Variants in PCDHGA11 observed in about 807,000 individuals in gnomAD.
The protein encoded by PCDHGA11 is protocadherin gamma-A11.
A neutral mutation model predicts 60.4 loss-of-function variants in PCDHGA11; 39 were observed. That is an observed-to-expected ratio of 0.65 (90% CI 0.50 to 0.84). PCDHGA11 has a LOEUF of 0.84. PCDHGA11 is among the 40% of genes least tolerant of loss of function. The pLI is 0.00. For missense variants in PCDHGA11, 1,165 were observed against 1,197.7 expected, an observed-to-expected ratio of 0.97 and a Z score of 0.40; for synonymous variants, 533 against 510.3, an observed-to-expected ratio of 1.04 and a Z score of -0.60.
chr5:141,486,011 T>C lies in PCDHGA11; in HGVS notation c.2434-8796T>C. The C allele has an allele frequency of 6.2e-7, 1 of 1,614,188 alleles. No individual in the cohort carries two copies. Among genetic ancestry groups the C allele is most frequent in the Non-Finnish European group, 8.5e-7 (1 of 1,180,014 alleles). ...GGGTCCCAGTGGTAACGTCACCTTTTATTTCAGTGGTCATACCCCTGATCG... is the reference window on the plus strand; with the variant it reads ...GGGTCCCAGTGGTAACGTCACCTTTCATTTCAGTGGTCATACCCCTGATCG... On this transcript the variant is annotated intron_variant, in intron 1 of 3. Coordinates refer to ENST00000398587, the MANE Select transcript of PCDHGA11 (RefSeq NM_018914.3). This position sits in a 1 kb window ranked among gnomAD's most constrained non-coding sequence, Gnocchi z 5.0.
At chr5:141,478,452 C>T (rs763187393) in intron 1 of PCDHGA11, 1 of 1,613,598 alleles carries the variant, frequency 6.2e-7, no homozygotes, top group Admixed American at 1.7e-5. Context: ...CCTGGTGCAG[C>T]CAGTCCACTG....
At chr5:141,441,710 G>A (rs2098266791) in intron 1 of PCDHGA11, 1 of 322,162 alleles carries the variant, frequency 3.1e-6, no homozygotes, top group Non-Finnish European at 6.1e-6. Context: ...TCAAGCTCAC[G>A]CTGCAGGCCC....
rs748972821 is a variant in PCDHGA11 at position 141,476,094 on chromosome 5, GAGAGGAACT to G, written c.2434-18712_2434-18704del. ...TCTCAGGGACGATCTGGACCCCGCT[GAGAGGAACT>G]GCTTTTGAGTGAGATGGTCCCAGAG... is the stretch of plus-strand genomic sequence containing the variant. On this transcript the variant is annotated intron_variant, in intron 1 of 3. Coordinates refer to ENST00000398587, the MANE Select transcript of PCDHGA11 (RefSeq NM_018914.3). This position sits in a 1 kb window ranked among gnomAD's most constrained non-coding sequence, Gnocchi z 7.6. 6.4e-7 allele frequency: 1 copy of G among 1,568,172 alleles called. No individual in the cohort carries two copies. The highest frequency in any genetic ancestry group is 1.2e-5 in the South Asian group (1 of 85,292).
At chr5:141,492,710 G>A (rs11953270) in intron 1 of PCDHGA11, among the ~76,000 whole-genome samples, 27,341 of 152,278 alleles carry the variant, frequency 0.18, 2,647 homozygotes, top group Admixed American at 0.28. Flanking sequence ...GAAGCCTCGA[G>A]CAGGCGGACA....
rs751214480 is a variant in PCDHGA11, at chr5:141,485,161, G to A, written c.2434-9646G>A. ...CGTCTCAGGAGCAAGTAGAGAATTA[G>A]CGGGCGGCAGCAATGCTCCGCAAGG... On this transcript the variant is annotated intron_variant, in intron 1 of 3. Transcript: ENST00000398587. The surrounding 1 kb of genome is among the most constrained non-coding windows in gnomAD (Gnocchi z 5.7). The A allele has an allele frequency of 8.1e-6, 13 of 1,603,712 alleles. No individual in the cohort carries two copies. The Admixed American group carries it at 2.0e-4, about 25-fold the overall frequency.
At chr5:141,434,521 T>G (rs2097700467) in intron 1 of PCDHGA11, among the ~76,000 whole-genome samples, 1 of 152,202 alleles carries the variant, frequency 6.6e-6, no homozygotes, top group Non-Finnish European at 1.5e-5. Flanking sequence ...AAAGGTGTTC[T>G]TAAACCACAA....
chr5:141,505,625 C>T, intron 3 of PCDHGA11, 144 bp downstream of exon 3: 1 of 1,489,114 alleles, frequency 6.7e-7, no homozygotes, highest in Non-Finnish European at 9.0e-7. Context: ...CCCACAATTC[C>T]AAACATAAAG....
chr5:141,464,290 A>AC (rs1287070540), intron 1 of PCDHGA11, among the ~76,000 whole-genome samples: 1 of 149,916 alleles, frequency 6.7e-6, no homozygotes, highest in Non-Finnish European at 1.5e-5. Context: ...AAAAAAAAAA[A>AC]CTCCATTGTA....
chr5:141,472,200 C>A (rs2099274166), intron 1 of PCDHGA11, among the ~76,000 whole-genome samples: 1 of 152,110 alleles, frequency 6.6e-6, no homozygotes, highest in Non-Finnish European at 1.5e-5. Flanking sequence ...ATCTTTTTGA[C>A]ACTAAGACCT....
chr5:141,476,382 A>G lies in PCDHGA11; in HGVS notation c.2434-18425A>G, dbSNP rs777831089. ...CGGGAGACCGGAGAGATGTTTGTGA[A>G]CGACCGTCTGGATCGAGAGGAGCTG... On this transcript the variant is annotated intron_variant, in intron 1 of 3. Transcript: ENST00000398587. This position sits in a 1 kb window ranked among gnomAD's most constrained non-coding sequence, Gnocchi z 7.6. 3.7e-6 allele frequency: 6 copies of G among 1,613,866 alleles called. No individual in the cohort carries two copies. The East Asian group carries it at 1.3e-4, about 36-fold the overall frequency.
rs1338955892 is a variant in PCDHGA11, at chr5:141,502,521, T to C, written c.2493-2872T>C. 5.9e-5 allele frequency among the ~76,000 whole-genome samples: 9 copies of C among 152,338 alleles called. No homozygotes were observed. In the East Asian group the frequency reaches 1.7e-3, roughly 29 times the overall value. The stretch of plus-strand genomic sequence containing the variant: ...CGTCGGCCTGTCCCACTATCAGTGA[T>C]GCCGAGTTTGTTCGTGTGGTAAAAA... On this transcript the variant is annotated intron_variant, in intron 2 of 3. Transcript: ENST00000398587.
At chr5:141,505,554 C>T in intron 3 of PCDHGA11, 73 bp downstream of exon 3, 1 of 1,606,130 alleles carries the variant, frequency 6.2e-7, no homozygotes, top group Non-Finnish European at 8.5e-7. Context: ...AGCCACCATG[C>T]CCACGGACTG....
In PCDHGA11 at chr5:141,486,184, A is replaced by G. The variant is rs2099625756; in HGVS notation, c.2434-8623A>G. 8 of 1,614,014 alleles carry G rather than the reference A, an allele frequency of 5.0e-6. No homozygotes were observed. Among genetic ancestry groups the G allele is most frequent in the Non-Finnish European group, 6.8e-6 (8 of 1,180,026 alleles). On this transcript the variant is annotated intron_variant, in intron 1 of 3. Transcript: ENST00000398587. This position sits in a 1 kb window ranked among gnomAD's most constrained non-coding sequence, Gnocchi z 5.0. ...CCATGGAGCAACATTGCAGCCTTCG[A>G]GTGGATCTGCTGGACGTAAATGACA...
chr5:141,447,427 C>T (rs752438597), intron 1 of PCDHGA11, among the ~76,000 whole-genome samples: 2 of 152,174 alleles, frequency 1.3e-5, no homozygotes, highest in Non-Finnish European at 2.9e-5. Context: ...CGTGAGCCAC[C>T]GCACCCGGAG....
chr5:141,507,609 A>G (rs2099862010), intron 3 of PCDHGA11, among the ~76,000 whole-genome samples: 1 of 152,260 alleles, frequency 6.6e-6, no homozygotes, highest in Non-Finnish European at 1.5e-5. Context: ...ATAAACAGGT[A>G]TATTTAGCTG....
chr5:141,494,185 GAC>G (rs2099752607), intron 1 of PCDHGA11, among the ~76,000 whole-genome samples: 1 of 152,154 alleles, frequency 6.6e-6, no homozygotes, highest in Non-Finnish European at 1.5e-5. Context: ...AGTGTCCCGG[GAC>G]TTGGATGCCC....
intron 1 of PCDHGA11, among the ~76,000 whole-genome samples, chr5:141,481,913 CAAAAAAAAA>C (rs34114744): frequency 1.1e-5 from 1 of 90,852 alleles, no homozygotes; most frequent in Non-Finnish European, 2.2e-5. Flanking sequence ...AACTCCATCT[CAAAAAAAAA>C]AAAAAAAAAA....
rs1478890031 is a variant in PCDHGA11, at chr5:141,478,689, C to G, written c.2434-16118C>G. On this transcript the variant is annotated intron_variant, in intron 1 of 3. Coordinates refer to ENST00000398587, the MANE Select transcript of PCDHGA11 (RefSeq NM_018914.3). Reference sequence around the variant, plus strand: ...CACTTTCAACTGGCCCTTCCTAGATCAAAGTTAGTGCCTTTGTGAGATGGT... The same window carrying G: ...CACTTTCAACTGGCCCTTCCTAGATGAAAGTTAGTGCCTTTGTGAGATGGT... 3 of 1,550,866 alleles carry G rather than the reference C, an allele frequency of 1.9e-6. No homozygotes were observed. In the African/African-American group the frequency reaches 4.1e-5, roughly 21 times the overall value.
chr5:141,481,257 A>T (rs2099534664), intron 1 of PCDHGA11, among the ~76,000 whole-genome samples: 1 of 152,172 alleles, frequency 6.6e-6, no homozygotes, highest in African/African-American at 2.4e-5. Context: ...GCTCTAAAAG[A>T]TCACTGTAGG....
Sources: allele counts gnomAD v4.1 joint callset (sites outside exome capture counted in the v4.1 genomes callset), GRCh38; gene constraint gnomAD v4.1.1; non-coding constraint Gnocchi (gnomAD v3.1); transcripts MANE v1.5; gene names NCBI Gene and HGNC (gene_info 2026-07-23, HGNC 2026-07-21).